CNTFR: variants seen among roughly 807,000 people sequenced by gnomAD.
CNTFR encodes the protein ciliary neurotrophic factor receptor.
CNTFR carries 12 observed loss-of-function variants against 40.4 expected under a neutral mutation model. That is an observed-to-expected ratio of 0.30 (90% CI 0.19 to 0.48). The LOEUF (loss-of-function observed/expected upper bound fraction) is 0.48, where lower values mean the gene tolerates loss of function less well. CNTFR is among the 20% of genes least tolerant of loss of function. The pLI is 0.99. For synonymous variants in CNTFR, 202 were observed against 209.6 expected (o/e 0.96, Z 0.31); for missense variants, 414 against 506.8 (o/e 0.82, Z 1.76).
chr9:34,557,359 T>TATGTCATGCATATATGTGCAC lies in CNTFR; in HGVS notation c.604+146_604+166dup, dbSNP rs1825889217. 6.6e-6 allele frequency among the ~76,000 whole-genome samples: 1 copy of TATGTCATGCATATATGTGCAC among 152,150 alleles called. No homozygotes were observed. The highest frequency in any genetic ancestry group is 1.5e-5 in the Non-Finnish European group (1 of 68,020). On this transcript the variant is annotated intron_variant, in intron 6 of 9. Transcript: ENST00000378980. This position sits in a 1 kb window ranked among gnomAD's most constrained non-coding sequence, Gnocchi z 4.2. Reference sequence around the variant, plus strand: ...ATTCACTTACACGTTCACAGGTGTATATGTCATGCATATATGTGCACATAT... The same window carrying TATGTCATGCATATATGTGCAC: ...ATTCACTTACACGTTCACAGGTGTATATGTCATGCATATATGTGCACATGTCATGCATATATGTGCACATAT...
chr9:34,579,628 G>T (rs1827187425), intron 2 of CNTFR, among the ~76,000 whole-genome samples: 1 of 152,002 alleles, frequency 6.6e-6, no homozygotes, highest in East Asian at 1.9e-4. Flanking sequence ...GCCAAAGGAA[G>T]CTGGGGGGCT....
intron 4 of CNTFR, 140 bp downstream of exon 4, chr9:34,564,459 G>A: frequency 1.2e-6 from 1 of 829,442 alleles, no homozygotes; most frequent in Non-Finnish European, 1.9e-6. Context: ...GAGCGGGCCA[G>A]GACAAAATCA....
intron 2 of CNTFR, chr9:34,569,795 C>T (rs1826497169): frequency 6.6e-6 from 1 of 152,218 alleles, no homozygotes; most frequent in Non-Finnish European, 1.5e-5. Context: ...CAGCCATGTG[C>T]CCCTAGGAGC....
intron 1 of CNTFR, among the ~76,000 whole-genome samples, chr9:34,588,483 C>T (rs916289849): frequency 2.0e-5 from 3 of 152,216 alleles, no homozygotes; most frequent in Non-Finnish European, 4.4e-5. Context: ...GTGACACAGA[C>T]ACAAATTCAC....
intron 2 of CNTFR, among the ~76,000 whole-genome samples, chr9:34,574,188 G>A (rs988371603): frequency 3.3e-5 from 5 of 152,116 alleles, no homozygotes; most frequent in Admixed American, 6.5e-5. Context: ...CAGCTGGCCC[G>A]GCAGGCCCCT....
At chr9:34,571,027 C>A (rs1266079800) in intron 2 of CNTFR, among the ~76,000 whole-genome samples, 8 of 152,186 alleles carry the variant, frequency 5.3e-5, no homozygotes, top group Admixed American at 5.2e-4. Context: ...TCCTAAGTGG[C>A]CCCAGCTACC....
At chr9:34,555,008 C>T (rs1181439710) in intron 7 of CNTFR, among the ~76,000 whole-genome samples, 2 of 152,218 alleles carry the variant, frequency 1.3e-5, no homozygotes, top group South Asian at 2.1e-4. Flanking sequence ...TAGTTGCACA[C>T]ACGTATGGTG....
intron 7 of CNTFR, among the ~76,000 whole-genome samples, chr9:34,555,734 CCCCTTGGGCCCATCTGTGAG>C (rs1825806108): frequency 6.6e-6 from 1 of 152,096 alleles, no homozygotes. Flanking sequence ...CTGATCCTGA[CCCCTTGGGCCCATCTGTGAG>C]CCCTTGAGGA....
intron 2 of CNTFR, among the ~76,000 whole-genome samples, chr9:34,578,097 G>A (rs1223432393): frequency 2.0e-5 from 3 of 151,910 alleles, no homozygotes; most frequent in Admixed American, 6.6e-5. Flanking sequence ...GGTCTGCGGG[G>A]CTGGGGCCCG....
At chr9:34,554,061 C>T (rs536893869) in intron 7 of CNTFR, among the ~76,000 whole-genome samples, 11 of 152,172 alleles carry the variant, frequency 7.2e-5, no homozygotes, top group African/African-American at 1.4e-4. Context: ...GGCCCTGATA[C>T]GGTGGTAAAG....
At chr9:34,558,690 T>C (rs1185964003) in intron 4 of CNTFR, among the ~76,000 whole-genome samples, 2 of 152,160 alleles carry the variant, frequency 1.3e-5, no homozygotes, top group African/African-American at 2.4e-5. Context: ...AGGAAGCTGC[T>C]GTTCCCTTTG....
chr9:34,582,795 C>G (rs1827367609), intron 1 of CNTFR: 4 of 152,166 alleles, frequency 2.6e-5, no homozygotes, highest in Non-Finnish European at 5.9e-5. Context: ...AGAGAGATAG[C>G]TGGAAAAGGA....
At chr9:34,571,892 G>A (rs1456289874) in intron 2 of CNTFR, among the ~76,000 whole-genome samples, 2 of 151,990 alleles carry the variant, frequency 1.3e-5, no homozygotes, top group Non-Finnish European at 2.9e-5. Context: ...AGAGACGCAG[G>A]GGAAAAGATG....
At position 34,552,575 on chromosome 9, in the gene CNTFR, G is replaced by A; in HGVS notation, c.949+99C>T. On this transcript the variant is annotated intron_variant, in intron 8 of 9. Transcript: ENST00000378980. The surrounding 1 kb of genome is among the most constrained non-coding windows in gnomAD (Gnocchi z 5.1). ...CAGGCAGAAGTGTGGCTACCCCCGGGAGCAGAGGCTGGAGGCAGCAGGGTA... is the reference window on the plus strand; with the variant it reads ...CAGGCAGAAGTGTGGCTACCCCCGGAAGCAGAGGCTGGAGGCAGCAGGGTA... The A allele has an allele frequency of 7.7e-7, 1 of 1,295,428 alleles. No homozygotes were observed. The highest frequency in any genetic ancestry group is 1.4e-5 in the South Asian group (1 of 69,502). The allele number at this position is 1,295,428 out of a possible 1,614,324, so 80.2% of individuals were successfully genotyped here.
At position 34,552,847 on chromosome 9, in the gene CNTFR, A is replaced by T; in HGVS notation, c.776T>A (p.Leu259Gln). ...GATGGTGTGTGCTGTGCCGTCGGAC[A>T]GCTCCACCTGCAGCCAGACCATGGG... The part of the protein sequence containing the change: ...LILDQWQHVE[L>Q]SDGTAHTITD... The change falls in exon 8 of 10, where the codon CTG (leucine) becomes CAG (glutamine). Residue 259 changes from leucine (L) to glutamine (Q), a missense_variant. Transcript: ENST00000378980. This position sits in a 1 kb window ranked among gnomAD's most constrained non-coding sequence, Gnocchi z 5.1. 1 of 1,611,160 alleles carries T rather than the reference A, an allele frequency of 6.2e-7. No homozygotes were observed. The highest frequency in any genetic ancestry group is 8.5e-7 in the Non-Finnish European group (1 of 1,179,708).
chr9:34,564,830 C>T lies in CNTFR; in HGVS notation c.88G>A (p.Ala30Thr), dbSNP rs1156954965. 6.2e-7 allele frequency: 1 copy of T among 1,612,592 alleles called. No individual in the cohort carries two copies. Among genetic ancestry groups the T allele is most frequent in the Admixed American group, 1.7e-5 (1 of 59,962 alleles). Residue 30 changes from alanine to threonine, a missense_variant and splice_region_variant, in exon 4 of 10, where the codon GCA becomes ACA. By Grantham distance (58) the Ala-to-Thr change is moderately conservative (BLOSUM62 0). Transcript: ENST00000378980. Reference protein sequence around the residue: ...VYAQRHSPQEAPHVQYERLGS... With the variant: ...VYAQRHSPQETPHVQYERLGS... ...AGGCGCTCGTACTGCACATGGGGTG[C>T]CTCTGTGGGGGGTGGGGGCACAGGG... is the stretch of plus-strand genomic sequence containing the variant.
In CNTFR at chr9:34,552,449, C is replaced by A. The variant is rs750456227; in HGVS notation, c.950-120G>T. 8.6e-6 allele frequency: 10 copies of A among 1,160,730 alleles called. No homozygotes were observed. Among genetic ancestry groups the A allele is most frequent in the Non-Finnish European group, 1.1e-5 (9 of 840,938 alleles). 71.9% of individuals were successfully genotyped at this position (1,160,730 alleles called of 1,614,324 possible). A position where few individuals can be genotyped will look rare whatever the true frequency, so the allele number is the denominator to read the frequency against. On this transcript the variant is annotated intron_variant, in intron 8 of 9. Coordinates refer to ENST00000378980, the MANE Select transcript of CNTFR (RefSeq NM_147164.3). The surrounding 1 kb of genome is among the most constrained non-coding windows in gnomAD (Gnocchi z 5.1). ...GACTGGTACTGCCTCCCCCATCAGG[C>A]AGATCCTGTTTCCCAAGGCTCACAG... is the stretch of plus-strand genomic sequence containing the variant.
At chr9:34,571,583 C>T (rs931744130) in intron 2 of CNTFR, 2 of 152,664 alleles carry the variant, frequency 1.3e-5, no homozygotes, top group African/African-American at 4.8e-5. Flanking sequence ...CACACACACA[C>T]ACACACTCAG....
intron 2 of CNTFR, among the ~76,000 whole-genome samples, chr9:34,572,732 T>C (rs1265850818): frequency 6.6e-6 from 1 of 152,174 alleles, no homozygotes; most frequent in African/African-American, 2.4e-5. Context: ...AATGACACAG[T>C]TGTACCGTTG....
Sources: gnomAD v4.1 joint callset for allele counts (sites outside exome capture counted in the v4.1 genomes callset) on GRCh38, gnomAD v4.1.1 for gene constraint, Gnocchi (gnomAD v3.1) non-coding constraint, MANE v1.5 for transcripts, NCBI Gene and HGNC (gene_info 2026-07-23, HGNC 2026-07-21) for gene names.